The following CSPG4 variants were observed in gnomAD, a reference collection of about 807,000 sequenced individuals.
CSPG4 encodes the protein chondroitin sulfate proteoglycan 4 (melanoma-associated).
In CSPG4, 74 loss-of-function variants were observed where a neutral mutation model predicts 139.3. The observed-to-expected ratio is 0.53, with a 90% confidence interval of 0.44 to 0.64. The LOEUF is 0.64. CSPG4 is among the 30% of genes least tolerant of loss of function. The probability of loss-of-function intolerance (pLI) is 0.00; values close to 1 mark genes in which losing one functional copy is unlikely to be tolerated. For synonymous variants in CSPG4, 1,234 were observed against 1,394.2 expected (o/e 0.89, Z 2.56); for missense variants, 2,565 against 3,148.3 (o/e 0.81, Z 4.43).
Position 75,687,478 on chromosome 15 carries a change from G to C in CSPG4, c.3587C>G (p.Ala1196Gly). 1 of 1,612,444 alleles carries C rather than the reference G, an allele frequency of 6.2e-7. No individual in the cohort carries two copies. The highest frequency in any genetic ancestry group is 1.1e-5 in the South Asian group (1 of 91,022). The stretch of plus-strand genomic sequence containing the variant: ...GCTGCCATTGTGGCTATAGAGAACG[G>C]CCCCATCCAGCAGGTCCTGCTGGGA... ...AFSQQDLLDG[A>G]VLYSHNGSLS... The change falls in exon 3 of 10, where the codon GCC becomes GGC. Residue 1196 changes from alanine (A) to glycine (G), a missense_variant. Physicochemically the swap from Ala to Gly is moderately conservative, Grantham distance 60. This residue lies in a region of CSPG4 where 2,316 missense variants were observed against 2,818.2 expected (regional missense o/e 0.82). Coordinates refer to ENST00000308508, the MANE Select transcript of CSPG4 (RefSeq NM_001897.5). This position sits in a 1 kb window ranked among gnomAD's most constrained non-coding sequence, Gnocchi z 5.4.
chr15:75,682,968 T>A lies in CSPG4; in HGVS notation c.4523A>T (p.Asp1508Val), dbSNP rs758274506. ...RSTDGDSGSEDLVYTIEQPSN... is the reference protein window; with the variant it reads ...RSTDGDSGSEVLVYTIEQPSN... ...GGGCTGCTCGATGGTGTAGACCAGA[T>A]CCTCAGACCCAGAGTCGCCGTCCGT... Residue 1508 changes from aspartate to valine, a missense_variant, in exon 6 of 10, where the codon GAT (aspartate) becomes GTT (valine). Coordinates refer to ENST00000308508, the MANE Select transcript of CSPG4 (RefSeq NM_001897.5). 19 of 1,611,508 alleles carry A rather than the reference T, an allele frequency of 1.2e-5. 1 individual carries two copies. In the South Asian group the frequency reaches 1.8e-4, roughly 15 times the overall value.
chr15:75,703,653 T>A (rs1894333756), intron 1 of CSPG4, among the ~76,000 whole-genome samples: 1 of 149,628 alleles, frequency 6.7e-6, no homozygotes, highest in Non-Finnish European at 1.5e-5. Flanking sequence ...GCCGGGACCT[T>A]GAGGGACAGG....
rs771054582 is a variant in CSPG4 at position 75,682,931 on chromosome 15, C to G, written c.4560G>C (p.Arg1520=). 5 of 1,611,232 alleles carry G rather than the reference C, an allele frequency of 3.1e-6. No individual in the cohort carries two copies. The highest frequency in any genetic ancestry group is 4.2e-6 in the Non-Finnish European group (5 of 1,179,680). Reference sequence around the variant, plus strand: ...TGCCCGGCGCCCCCCGCAGCACTACCCGCCCGTTGCTGGGCTGCTCGATGG... The same window carrying G: ...TGCCCGGCGCCCCCCGCAGCACTACGCGCCCGTTGCTGGGCTGCTCGATGG... ...VYTIEQPSNG[R]VVLRGAPGTE... The change falls in exon 6 of 10, where the codon CGG becomes CGC. Residue 1520 remains arginine (R), a synonymous_variant. Coordinates refer to ENST00000308508, the MANE Select transcript of CSPG4 (RefSeq NM_001897.5).
intron 2 of CSPG4, 22 bp downstream of exon 2, chr15:75,693,048 A>T (rs1283664146): frequency 2.4e-6 from 3 of 1,246,052 alleles, no homozygotes; most frequent in African/African-American, 1.4e-5. Flanking sequence ...TCCCGCCCAG[A>T]TCTCAGGGGG....
intron 1 of CSPG4, among the ~76,000 whole-genome samples, chr15:75,707,467 C>T (rs1894388615): frequency 6.6e-6 from 1 of 152,214 alleles, no homozygotes; most frequent in Non-Finnish European, 1.5e-5. Flanking sequence ...CACTTCAGGT[C>T]CCCAACATTT....
intron 1 of CSPG4, among the ~76,000 whole-genome samples, chr15:75,693,804 G>A (rs1566976014): frequency 6.6e-6 from 1 of 152,244 alleles, no homozygotes; most frequent in Non-Finnish European, 1.5e-5. Flanking sequence ...TGGGATCTGG[G>A]GGTGGTGTCA....
chr15:75,677,280 C>T lies in CSPG4; in HGVS notation c.5239G>A (p.Val1747Met). The part of the protein sequence containing the change: ...VPSPQRSEHD[V>M]LFQVTQFPSR... ...GGGAACTGTGTGACCTGGAAGAGCA[C>T]ATCATGCTCTGAGCGCTGGGGTGAT... Residue 1747 changes from valine (V) to methionine (M), a missense_variant, in exon 10 of 10, where the codon GTG (valine) becomes ATG (methionine). Around this residue, in one of 5 missense-constraint regions of CSPG4, gnomAD observed 2,316 missense variants for 2,818.2 expected, o/e 0.82. Coordinates refer to ENST00000308508, the MANE Select transcript of CSPG4 (RefSeq NM_001897.5). The T allele has an allele frequency of 6.7e-7, 1 of 1,488,080 alleles. No homozygotes were observed. The highest frequency in any genetic ancestry group is 9.0e-7 in the Non-Finnish European group (1 of 1,114,820). The allele number at this position is 1,488,080 out of a possible 1,614,324, so 92.2% of individuals were successfully genotyped here.
intron 8 of CSPG4, 24 bp from the exon 9 acceptor site, chr15:75,677,910 T>A (rs1290512903): frequency 6.4e-7 from 1 of 1,574,276 alleles, no homozygotes; most frequent in Non-Finnish European, 8.6e-7. Context: ...CATCGTGGGG[T>A]GAGAGGCAGG....
chr15:75,712,769 G>A lies in CSPG4; in HGVS notation c.-14C>T, dbSNP rs867030252. On this transcript the variant is annotated 5_prime_UTR_variant, in exon 1 of 10. Coordinates refer to ENST00000308508, the MANE Select transcript of CSPG4 (RefSeq NM_001897.5). ...CCCGGACTGCATCCCGGCGGGCTGGGCGGCAGGACTTGCGAGGAGCCAGCG... is the reference window on the plus strand; with the variant it reads ...CCCGGACTGCATCCCGGCGGGCTGGACGGCAGGACTTGCGAGGAGCCAGCG... 5.2e-6 allele frequency: 8 copies of A among 1,538,148 alleles called. No homozygotes were observed. In the African/African-American group the frequency reaches 6.9e-5, roughly 13 times the overall value.
chr15:75,680,792 C>A (rs973552777), intron 8 of CSPG4: 1 of 153,460 alleles, frequency 6.5e-6, no homozygotes, highest in African/African-American at 2.4e-5. Context: ...GGACACCTGA[C>A]CCCTTCCCTG....
chr15:75,694,642 T>C (rs915356341), intron 1 of CSPG4, among the ~76,000 whole-genome samples: 3 of 152,220 alleles, frequency 2.0e-5, no homozygotes, highest in African/African-American at 7.2e-5. Context: ...CTGGGAGGGA[T>C]GTCCAAGAAA....
chr15:75,685,172 G>GC (rs1894036079), intron 4 of CSPG4, 47 bp downstream of exon 4: 1 of 1,508,122 alleles, frequency 6.6e-7, no homozygotes, highest in South Asian at 1.3e-5. Flanking sequence ...CCTCCACTCT[G>GC]CCCCCAGAGC....
At position 75,688,947 on chromosome 15, in the gene CSPG4, G is replaced by A. The variant is rs546335635; in HGVS notation, c.2118C>T (p.Ala706=). 6.2e-7 allele frequency: 1 copy of A among 1,612,542 alleles called. No individual in the cohort carries two copies. Among genetic ancestry groups the A allele is most frequent in the Admixed American group, 1.7e-5 (1 of 60,026 alleles). The change falls in exon 3 of 10, where the codon GCC becomes GCT. Residue 706 remains alanine, a synonymous_variant. Coordinates refer to ENST00000308508, the MANE Select transcript of CSPG4 (RefSeq NM_001897.5). ...GCTTCTGCAGCTCCCCAAACTGCAG[G>A]GCCCCAGTGACGCGGAACAGCACGC... ...DVSVLFRVTG[A]LQFGELQKQG...
At chr15:75,699,754 G>T (rs935364536) in intron 1 of CSPG4, among the ~76,000 whole-genome samples, 1 of 152,218 alleles carries the variant, frequency 6.6e-6, no homozygotes, top group African/African-American at 2.4e-5. Context: ...GTGTCTTTGT[G>T]GAAGTCTTGC....
intron 1 of CSPG4, among the ~76,000 whole-genome samples, chr15:75,707,910 C>T (rs897327537): frequency 2.0e-5 from 3 of 152,022 alleles, no homozygotes; most frequent in East Asian, 1.9e-4. Context: ...TGTGTGCTCC[C>T]GGGGAGCTGC....
chr15:75,675,227 AC>A lies in CSPG4; in HGVS notation c.*322del. 3.3e-6 allele frequency: 1 copy of A among 306,590 alleles called. No homozygotes were observed. The highest frequency in any genetic ancestry group is 6.0e-6 in the Non-Finnish European group (1 of 168,026). 19.0% of individuals were successfully genotyped at this position (306,590 alleles called of 1,614,324 possible). ...ACTTACCCAAGGTCACAGACCCAGG[AC>A]CCAGAGTCATGACCCATGTAGGAGG... On this transcript the variant is annotated 3_prime_UTR_variant, in exon 10 of 10. Transcript: ENST00000308508.
chr15:75,696,404 G>A lies in CSPG4; in HGVS notation c.89-3171C>T, dbSNP rs1175859491. On this transcript the variant is annotated intron_variant, in intron 1 of 9. Coordinates refer to ENST00000308508, the MANE Select transcript of CSPG4 (RefSeq NM_001897.5). This position sits in a 1 kb window ranked among gnomAD's most constrained non-coding sequence, Gnocchi z 4.2. ...TTCTCTCTCTGGAAGGCGCGTCAGT[G>A]GGCGTCCAGGGCTGTATATTAATAG... Among the ~76,000 whole-genome samples the A allele has an allele frequency of 6.6e-6, 1 of 152,126 alleles. No individual in the cohort carries two copies. The highest frequency in any genetic ancestry group is 2.4e-5 in the African/African-American group (1 of 41,418).
chr15:75,693,213 G>C lies in CSPG4; in HGVS notation c.109C>G (p.His37Asp). 1.2e-6 allele frequency: 2 copies of C among 1,607,398 alleles called. No homozygotes were observed. The highest frequency in any genetic ancestry group is 1.7e-6 in the Non-Finnish European group (2 of 1,177,334). The change falls in exon 2 of 10, where the codon CAC becomes GAC. Residue 37 changes from histidine (H) to aspartate (D), a missense_variant. Physicochemically the swap from His to Asp is moderately conservative, Grantham distance 81. Transcript: ENST00000308508. The part of the protein sequence containing the change: ...ASAASFFGEN[H>D]LEVPVATALT... ...GCCGTGGCCACAGGCACCTCCAGGTGGTTCTCACCGAAGAAGGAAGCTGTG... is the reference window on the plus strand; with the variant it reads ...GCCGTGGCCACAGGCACCTCCAGGTCGTTCTCACCGAAGAAGGAAGCTGTG...
Position 75,688,405 on chromosome 15 carries a change from T to C in CSPG4, c.2660A>G (p.Tyr887Cys), listed in dbSNP as rs929815322. 6 of 1,613,058 alleles carry C rather than the reference T, an allele frequency of 3.7e-6. No individual in the cohort carries two copies. In the African/African-American group the frequency reaches 4.0e-5, roughly 11 times the overall value. ...VTAPPYFSPL[Y>C]TFPIHIGGDP... is the part of the protein sequence containing the mutation. ...ACCACCAATGTGGATGGGGAAGGTA[T>C]AGAGTGGGGAGAAATATGGTGGAGC... is the stretch of plus-strand genomic sequence containing the variant. Residue 887 changes from tyrosine to cysteine, a missense_variant, in exon 3 of 10, where the codon TAT becomes TGT. This residue lies in a region of CSPG4 where 2,316 missense variants were observed against 2,818.2 expected (regional missense o/e 0.82). Coordinates refer to ENST00000308508, the MANE Select transcript of CSPG4 (RefSeq NM_001897.5).
Sources: gnomAD v4.1 joint callset for allele counts (sites outside exome capture counted in the v4.1 genomes callset) on GRCh38, gnomAD v4.1.1 for gene constraint, gnomAD v4.1.1 regional missense constraint, Gnocchi (gnomAD v3.1) non-coding constraint, MANE v1.5 for transcripts, NCBI Gene and HGNC (gene_info 2026-07-23, HGNC 2026-07-21) for gene names.